The following PAX5 variants were observed in gnomAD, a reference collection of about 807,000 sequenced individuals.
PAX5 encodes paired box protein Pax-5.
Under a neutral mutation model 43.7 loss-of-function variants are expected in PAX5, and 9 were observed. The ratio of observed to expected loss-of-function variants is 0.21; its 90% CI spans 0.12 to 0.36. PAX5 has a LOEUF of 0.36. Ranked by LOEUF, PAX5 falls within the 10% of genes least tolerant of loss-of-function variation. PAX5 has a pLI of 1.00. For missense variants in PAX5, 383 were observed against 532.7 expected, an observed-to-expected ratio of 0.72 and a Z score of 2.77; for synonymous variants, 228 against 214.3, an observed-to-expected ratio of 1.06 and a Z score of -0.56.
At chr9:37,026,775 G>A (rs903383906) in intron 1 of PAX5, 2 of 961,512 alleles carry the variant, frequency 2.1e-6, no homozygotes, top group Non-Finnish European at 2.5e-6. Context: ...GGGAAATGGT[G>A]CTAGCGCACC....
At chr9:37,026,662 A>G (rs1459219401) in intron 1 of PAX5, 21 of 1,347,946 alleles carry the variant, frequency 1.6e-5, no homozygotes, top group Middle Eastern at 2.0e-4. Context: ...CCTCGCCACC[A>G]GGCCAGGCAC....
intron 5 of PAX5, among the ~76,000 whole-genome samples, chr9:36,984,457 T>TTTTTTTTG (rs1836220995): frequency 6.9e-6 from 1 of 144,740 alleles, no homozygotes; most frequent in Non-Finnish European, 1.5e-5. Flanking sequence ...TTTTTTTTTT[T>TTTTTTTTG]GAGATGGAGT....
At chr9:36,904,954 G>A (rs1563951590) in intron 7 of PAX5, among the ~76,000 whole-genome samples, 1 of 152,160 alleles carries the variant, frequency 6.6e-6, no homozygotes, top group African/African-American at 2.4e-5. Flanking sequence ...AAGTTAGGCT[G>A]GACACAAAGA....
chr9:37,020,920 T>C, intron 1 of PAX5, 119 bp from the exon 2 acceptor site: 1 of 1,035,264 alleles, frequency 9.7e-7, no homozygotes, highest in South Asian at 1.6e-5. Context: ...AGGCTGGATG[T>C]CTCGCGCCTG....
intron 6 of PAX5, among the ~76,000 whole-genome samples, chr9:36,957,692 A>G (rs1198570427): frequency 6.6e-6 from 1 of 152,094 alleles, no homozygotes; most frequent in African/African-American, 2.4e-5. Context: ...GCAAATATTA[A>G]CACTTTCTAT....
At chr9:36,997,067 A>G (rs1837459044) in intron 5 of PAX5, among the ~76,000 whole-genome samples, 2 of 152,134 alleles carry the variant, frequency 1.3e-5, no homozygotes, top group Non-Finnish European at 1.5e-5. Context: ...ACAAAAACAG[A>G]CAGGAGACAG....
At chr9:36,973,125 G>GAAAGGAAAGA (rs1247265296) in intron 5 of PAX5, among the ~76,000 whole-genome samples, 1 of 84,482 alleles carries the variant, frequency 1.2e-5, no homozygotes, top group Non-Finnish European at 2.3e-5. Flanking sequence ...GAAAGGAAAG[G>GAAAGGAAAGA]AAAGGAAAGA....
Position 36,835,510 on chromosome 9 carries a change from C to T in PAX5, c.*5050G>A, listed in dbSNP as rs1418163639. The T allele has an allele frequency of 4.3e-6, 1 of 232,980 alleles. No individual in the cohort carries two copies. The highest frequency in any genetic ancestry group is 8.5e-6 in the Non-Finnish European group (1 of 117,934). The allele number at this position is 232,980 out of a possible 1,614,324, so 14.4% of individuals were successfully genotyped here. On this transcript the variant is annotated 3_prime_UTR_variant, in exon 10 of 10. Transcript: ENST00000358127. ...GGAAGTACACATCAGCACTGTGGTT[C>T]CCCCATGAATATGCAAGAGGGAACC...
chr9:36,867,780 C>T (rs545785853), intron 8 of PAX5, among the ~76,000 whole-genome samples: 2 of 152,334 alleles, frequency 1.3e-5, no homozygotes, highest in Admixed American at 1.3e-4. Flanking sequence ...ATTTAAGTCT[C>T]CCTGTTTCGG....
At chr9:37,027,331 T>G (rs1840494719) in intron 1 of PAX5, among the ~76,000 whole-genome samples, 1 of 152,186 alleles carries the variant, frequency 6.6e-6, no homozygotes, top group African/African-American at 2.4e-5. Context: ...CGGCCCCCGC[T>G]GCTCGCCCAT....
At chr9:37,018,914 G>C (rs997717869) in intron 2 of PAX5, among the ~76,000 whole-genome samples, 12 of 152,104 alleles carry the variant, frequency 7.9e-5, no homozygotes, top group African/African-American at 2.9e-4. Flanking sequence ...CCACATGTTT[G>C]GATGTCCCCT....
At chr9:36,966,778 G>A (rs1196832892) in intron 5 of PAX5, 54 bp from the exon 6 acceptor site, 1 of 1,534,852 alleles carries the variant, frequency 6.5e-7, no homozygotes, top group Admixed American at 1.7e-5. Context: ...CGTTGCTAAA[G>A]AAAGACAGGT....
In PAX5 at chr9:36,972,793, C is replaced by T. The variant is rs374568063; in HGVS notation, c.605-6069G>A. 2.6e-5 allele frequency among the ~76,000 whole-genome samples: 4 copies of T among 151,978 alleles called. No individual in the cohort carries two copies. In the East Asian group the frequency reaches 5.8e-4, roughly 22 times the overall value. ...CTATAATCCCAGCACTTTGGGAGGCCGAGGCAGGCAAATCACTTGAGGTCA... is the reference window on the plus strand; with the variant it reads ...CTATAATCCCAGCACTTTGGGAGGCTGAGGCAGGCAAATCACTTGAGGTCA... On this transcript the variant is annotated intron_variant, in intron 5 of 9. Transcript: ENST00000358127.
chr9:36,930,729 C>T (rs1831055283), intron 6 of PAX5, among the ~76,000 whole-genome samples: 1 of 152,146 alleles, frequency 6.6e-6, no homozygotes, highest in South Asian at 2.1e-4. Flanking sequence ...TAGCTGCCTG[C>T]CTACCTCGAC....
chr9:37,034,099 T>TTTC lies in PAX5; in HGVS notation c.-69_-68insGAA, dbSNP rs1491125353. The TTTC allele has an allele frequency of 3.5e-3, 537 of 151,506 alleles. 5 individuals carry two copies. Among genetic ancestry groups the TTTC allele is most frequent in the African/African-American group, 0.02 (508 of 25,352 alleles). 9.4% of individuals were successfully genotyped at this position (151,506 alleles called of 1,614,324 possible). Reference sequence around the variant, plus strand: ...CCACTTTTTTGTGCCTTTTTTTTTCTTTTTTTTTTTTTTTTTTTTTTTTTT... The same window carrying TTTC: ...CCACTTTTTTGTGCCTTTTTTTTTCTTTCTTTTTTTTTTTTTTTTTTTTTTTTT... On this transcript the variant is annotated 5_prime_UTR_variant, in exon 1 of 10. Coordinates refer to ENST00000358127, the MANE Select transcript of PAX5 (RefSeq NM_016734.3).
At chr9:37,027,706 G>A (rs1840554782) in intron 1 of PAX5, among the ~76,000 whole-genome samples, 1 of 152,254 alleles carries the variant, frequency 6.6e-6, no homozygotes, top group Non-Finnish European at 1.5e-5. Flanking sequence ...CGTGTGGACA[G>A]CGCCGCCCGG....
chr9:37,006,370 A>T (rs1340376259), intron 4 of PAX5, 103 bp downstream of exon 4: 1 of 825,744 alleles, frequency 1.2e-6, no homozygotes, highest in African/African-American at 1.7e-5. Context: ...ACGTGTGCTG[A>T]AGTGTTTTAT....
intron 5 of PAX5, among the ~76,000 whole-genome samples, chr9:36,993,074 C>T (rs10125775): frequency 0.46 from 70,603 of 152,064 alleles, 16,787 homozygotes; most frequent in East Asian, 0.67. Context: ...CATTCTCTCA[C>T]GAGTCTACAG....
At chr9:37,023,691 A>T (rs910485481) in intron 1 of PAX5, among the ~76,000 whole-genome samples, 2 of 152,130 alleles carry the variant, frequency 1.3e-5, no homozygotes, top group African/African-American at 2.4e-5. Flanking sequence ...CCCAAAGACC[A>T]TGGCTGAGCA....
Sources: gnomAD v4.1 joint callset for allele counts (sites outside exome capture counted in the v4.1 genomes callset) on GRCh38, gnomAD v4.1.1 for gene constraint, MANE v1.5 for transcripts, NCBI Gene and HGNC (gene_info 2026-07-23, HGNC 2026-07-21) for gene names.